Variants in MAML2 observed in about 807,000 individuals in gnomAD.
The protein encoded by MAML2 is mastermind like transcriptional coactivator 2.
A neutral mutation model predicts 96.1 loss-of-function variants in MAML2; 22 were observed. The observed-to-expected ratio is 0.23, with a 90% CI of 0.16 to 0.33. MAML2 has a LOEUF of 0.33. MAML2 is among the 10% of genes least tolerant of loss of function. The pLI is 1.00. For synonymous variants in MAML2, 561 were observed against 521.3 expected (o/e 1.08, Z -1.04); for missense variants, 1,367 against 1,392.4 (o/e 0.98, Z 0.29).
intron 1 of MAML2, among the ~76,000 whole-genome samples, chr11:96,275,427 G>A (rs949189081): frequency 4.0e-5 from 6 of 151,732 alleles, no homozygotes; most frequent in Non-Finnish European, 8.8e-5. Context: ...ATAGGCACCC[G>A]CCACTACGCC....
chr11:96,235,991 T>C (rs1300073018), intron 1 of MAML2, among the ~76,000 whole-genome samples: 1 of 152,222 alleles, frequency 6.6e-6, no homozygotes, highest in Admixed American at 6.5e-5. Flanking sequence ...AGATGAATGC[T>C]CTTTTCTGTC....
chr11:96,259,908 C>T (rs1440051722), intron 1 of MAML2, among the ~76,000 whole-genome samples: 1 of 151,198 alleles, frequency 6.6e-6, no homozygotes, highest in African/African-American at 2.4e-5. Flanking sequence ...TTAAAAAAAG[C>T]CTTGGGATAT....
At chr11:96,207,957 C>G (rs1329481962) in intron 1 of MAML2, among the ~76,000 whole-genome samples, 5 of 152,154 alleles carry the variant, frequency 3.3e-5, no homozygotes, top group Non-Finnish European at 5.9e-5. Context: ...AGAGAGGAAG[C>G]TGTCTTCCTG....
At chr11:96,135,982 C>T (rs1271832215) in intron 1 of MAML2, among the ~76,000 whole-genome samples, 1 of 152,068 alleles carries the variant, frequency 6.6e-6, no homozygotes, top group African/African-American at 2.4e-5. Context: ...TTGAACTAAA[C>T]TTTAGTAACT....
intron 1 of MAML2, among the ~76,000 whole-genome samples, chr11:96,267,846 G>GT (rs1862852330): frequency 6.6e-6 from 1 of 152,296 alleles, no homozygotes; most frequent in Non-Finnish European, 1.5e-5. Context: ...TGAATCTGGG[G>GT]TTTTTTACAC....
chr11:96,066,132 A>G (rs1418892142), intron 2 of MAML2, among the ~76,000 whole-genome samples: 2 of 152,182 alleles, frequency 1.3e-5, no homozygotes, highest in Admixed American at 1.3e-4. Flanking sequence ...AATCTTTTCC[A>G]CAGGGTGTAG....
At chr11:96,012,233 A>G (rs1353782007) in intron 2 of MAML2, among the ~76,000 whole-genome samples, 6 of 152,228 alleles carry the variant, frequency 3.9e-5, no homozygotes, top group Non-Finnish European at 7.3e-5. Context: ...CTTGGGCAAA[A>G]AGAGAACAGC....
At position 96,057,423 on chromosome 11, in the gene MAML2, A is replaced by G. The variant is rs114382516; in HGVS notation, c.2139+34469T>C. On this transcript the variant is annotated intron_variant, in intron 2 of 4. Transcript: ENST00000524717. Reference sequence around the variant, plus strand: ...TATCTATCCATCTATTCATTCATACATCCAGGCATCTATCCATTTCTCCAT... The same window carrying G: ...TATCTATCCATCTATTCATTCATACGTCCAGGCATCTATCCATTTCTCCAT... Among the ~76,000 whole-genome samples the G allele has an allele frequency of 8.8e-3, 1,342 of 152,226 alleles. 23 individuals carry two copies. Among genetic ancestry groups the G allele is most frequent in the African/African-American group, 0.029 (1,195 of 41,524 alleles).
chr11:96,028,177 A>T (rs1858553844), intron 2 of MAML2, among the ~76,000 whole-genome samples: 1 of 152,230 alleles, frequency 6.6e-6, no homozygotes, highest in Non-Finnish European at 1.5e-5. Flanking sequence ...TAGGTACTTC[A>T]GTCTGGACCT....
intron 1 of MAML2, among the ~76,000 whole-genome samples, chr11:96,242,546 C>A (rs1168490470): frequency 6.6e-6 from 1 of 152,120 alleles, no homozygotes; most frequent in African/African-American, 2.4e-5. Context: ...AGGTACAGCA[C>A]AAAACAGTTG....
intron 1 of MAML2, among the ~76,000 whole-genome samples, chr11:96,301,706 G>A (rs1863389473): frequency 6.6e-6 from 1 of 152,130 alleles, no homozygotes; most frequent in Non-Finnish European, 1.5e-5. Context: ...CATGGTTGAA[G>A]GCATATTAAT....
chr11:96,191,512 A>AC (rs35803099), intron 1 of MAML2, among the ~76,000 whole-genome samples: 63,524 of 148,346 alleles, frequency 0.43, 13,830 homozygotes, highest in Middle Eastern at 0.49. Flanking sequence ...GCGGTGGCTC[A>AC]GCCCGTAATC....
At chr11:96,287,944 A>C (rs1196010578) in intron 1 of MAML2, among the ~76,000 whole-genome samples, 1 of 152,220 alleles carries the variant, frequency 6.6e-6, no homozygotes, top group Non-Finnish European at 1.5e-5. Context: ...AATTTTGTGC[A>C]GTGGAACGGA....
chr11:96,059,318 G>T (rs1346904179), intron 2 of MAML2, among the ~76,000 whole-genome samples: 4 of 152,172 alleles, frequency 2.6e-5, no homozygotes, highest in African/African-American at 9.7e-5. Flanking sequence ...TAAAATAAGA[G>T]CTGCATGGCC....
rs139469636 is a variant in MAML2 at position 96,153,262 on chromosome 11, C to T, written c.514-59745G>A. On this transcript the variant is annotated intron_variant, in intron 1 of 4. Coordinates refer to ENST00000524717, the MANE Select transcript of MAML2 (RefSeq NM_032427.4). The stretch of plus-strand genomic sequence containing the variant: ...CTCCTACGCCTGTACCTTTCCTTGT[C>T]CTATCAAAACATCAAGACTTGTAGT... Among the ~76,000 whole-genome samples the T allele has an allele frequency of 3.1e-3, 477 of 151,578 alleles. 2 individuals are homozygous for T. Among genetic ancestry groups the T allele is most frequent in the Middle Eastern group, 0.01 (3 of 292 alleles).
At chr11:96,064,377 G>A (rs1859213774) in intron 2 of MAML2, among the ~76,000 whole-genome samples, 1 of 152,138 alleles carries the variant, frequency 6.6e-6, no homozygotes, top group African/African-American at 2.4e-5. Flanking sequence ...TTAGACAAGA[G>A]GACTTCTAAT....
At chr11:95,985,748 C>T (rs900064701) in intron 3 of MAML2, 106 bp from the exon 4 acceptor site, 14 of 676,084 alleles carry the variant, frequency 2.1e-5, no homozygotes, top group Admixed American at 2.9e-5. Flanking sequence ...AACAATTTTG[C>T]AATCATGGGT....
At chr11:96,318,836 T>C (rs550173298) in intron 1 of MAML2, among the ~76,000 whole-genome samples, 1 of 152,222 alleles carries the variant, frequency 6.6e-6, no homozygotes, top group African/African-American at 2.4e-5. Context: ...TGGTATAACC[T>C]TCCTTAATTA....
At chr11:96,159,358 C>T (rs1407665121) in intron 1 of MAML2, among the ~76,000 whole-genome samples, 1 of 148,886 alleles carries the variant, frequency 6.7e-6, no homozygotes, top group Non-Finnish European at 1.5e-5. Flanking sequence ...CTTACCCCAT[C>T]TCCTGTGAAG....
Sources: gnomAD v4.1 joint callset for allele counts (sites outside exome capture counted in the v4.1 genomes callset) on GRCh38, gnomAD v4.1.1 for gene constraint, MANE v1.5 for transcripts, NCBI Gene and HGNC (gene_info 2026-07-23, HGNC 2026-07-21) for gene names.